Variants in TAMM41 observed in about 807,000 individuals in gnomAD.
TAMM41 encodes phosphatidate cytidylyltransferase, mitochondrial.
TAMM41 carries 36 observed loss-of-function variants against 44.1 expected under a neutral mutation model. That is an observed-to-expected ratio of 0.82 (90% CI 0.63 to 1.08). The LOEUF (loss-of-function observed/expected upper bound fraction) is 1.08. TAMM41 is among the 50% of genes least tolerant of loss of function. TAMM41 has a pLI of 0.00. For synonymous variants in TAMM41, 164 were observed against 153.1 expected (o/e 1.07, Z -0.53); for missense variants, 417 against 404.3 (o/e 1.03, Z -0.27).
intron 6 of TAMM41, 128 bp downstream of exon 6, chr3:11,809,389 T>G (rs2078017148): frequency 9.0e-7 from 1 of 1,110,160 alleles, no homozygotes; most frequent in African/African-American, 1.6e-5. Context: ...TTTTAGTGCT[T>G]TCTTCTTCTG....
chr3:11,780,635 T>C, the TAMM41 span, among the ~76,000 whole-genome samples: 3 of 152,262 alleles, frequency 2.0e-5, no homozygotes, highest in Admixed American at 2.0e-4. Flanking sequence ...AATGAATAAA[T>C]ATATAGAAAG....
At chr3:11,786,354 G>C (rs1337114933), downstream of TAMM41, among the ~76,000 whole-genome samples, 2 of 149,666 alleles carry the variant, frequency 1.3e-5, no homozygotes, top group African/African-American at 4.9e-5. Context: ...ACTTAGGCCG[G>C]AGTACAGTGG....
At chr3:11,826,843 A>C (rs2078772020) in intron 4 of TAMM41, 1 of 152,162 alleles carries the variant, frequency 6.6e-6, no homozygotes, top group Admixed American at 6.5e-5. Flanking sequence ...CCAAATCAAA[A>C]GGTTAATGTG....
chr3:11,761,264 A>C, the TAMM41 span, among the ~76,000 whole-genome samples: 1 of 151,514 alleles, frequency 6.6e-6, no homozygotes, highest in African/African-American at 2.4e-5. Flanking sequence ...TTGGTTCTGT[A>C]TCTTATTATC....
At chr3:11,844,986 A>C (rs747565041) in intron 1 of TAMM41, 1 of 456,582 alleles carries the variant, frequency 2.2e-6, no homozygotes, top group East Asian at 6.9e-5. Flanking sequence ...AGTTAAACAG[A>C]CTTGCTGGAA....
At chr3:11,791,696 T>C (rs988900149) in intron 7 of TAMM41, among the ~76,000 whole-genome samples, 5 of 152,180 alleles carry the variant, frequency 3.3e-5, no homozygotes, top group Admixed American at 6.5e-5. Context: ...CCCTGTTACC[T>C]GTAAACTGCT....
chr3:11,772,854 G>A, the TAMM41 span, among the ~76,000 whole-genome samples: 5 of 152,138 alleles, frequency 3.3e-5, no homozygotes, highest in Non-Finnish European at 7.4e-5. Flanking sequence ...CTGCCAAGTA[G>A]GGTCTTTATC....
intron 3 of TAMM41, among the ~76,000 whole-genome samples, chr3:11,834,136 C>T (rs2079085710): frequency 1.3e-5 from 2 of 152,060 alleles, no homozygotes; most frequent in South Asian, 4.2e-4. Flanking sequence ...TCCGGCTACT[C>T]AGGAGGCTGA....
the TAMM41 span, among the ~76,000 whole-genome samples, chr3:11,733,004 GT>G: frequency 1.3e-5 from 1 of 77,922 alleles, no homozygotes; most frequent in Non-Finnish European, 3.0e-5. Flanking sequence ...TTTTTTGTTT[GT>G]TTGTTTGTTT....
At chr3:11,757,048 A>C in the TAMM41 span, among the ~76,000 whole-genome samples, 3 of 152,150 alleles carry the variant, frequency 2.0e-5, no homozygotes, top group Admixed American at 2.0e-4. Context: ...TGTTAATTTA[A>C]TTAACCTTTG....
chr3:11,812,053 G>A (rs368632906), intron 5 of TAMM41, among the ~76,000 whole-genome samples: 2 of 152,004 alleles, frequency 1.3e-5, no homozygotes, highest in Non-Finnish European at 2.9e-5. Flanking sequence ...TCAGCCTCCC[G>A]AGTAGCTGGG....
intron 2 of TAMM41, chr3:11,843,701 A>T (rs2079548084): frequency 4.7e-6 from 1 of 211,148 alleles, no homozygotes; most frequent in Non-Finnish European, 9.4e-6. Flanking sequence ...GGGCAACAAG[A>T]GCAAAACTCC....
the TAMM41 span, among the ~76,000 whole-genome samples, chr3:11,738,611 G>A: frequency 1.3e-5 from 2 of 152,068 alleles, no homozygotes; most frequent in African/African-American, 2.4e-5. Context: ...TGCTGTATCC[G>A]AGGGGTTTAT....
chr3:11,833,078 C>T lies in TAMM41; in HGVS notation c.412-3214G>A, dbSNP rs935913341. The stretch of plus-strand genomic sequence containing the variant: ...TCTTCAATGAAAGGTGAACTAGGAA[C>T]TTGTCTCAGCAGCACTGTTATTTGT... On this transcript the variant is annotated intron_variant, in intron 3 of 7. Coordinates refer to ENST00000455809, the MANE Select transcript of TAMM41 (RefSeq NM_001284401.2). 20 of 1,258,326 alleles carry T rather than the reference C, an allele frequency of 1.6e-5. No individual in the cohort carries two copies. In the Admixed American group the frequency reaches 2.8e-4, roughly 17 times the overall value. The allele number at this position is 1,258,326 out of a possible 1,614,324, so 77.9% of individuals were successfully genotyped here. A position where few individuals can be genotyped will look rare whatever the true frequency, so the allele number is the denominator to read the frequency against.
the TAMM41 span, among the ~76,000 whole-genome samples, chr3:11,748,911 A>ATTT: frequency 0.2 from 24,056 of 118,872 alleles, 3,253 homozygotes; most frequent in Non-Finnish European, 0.24. Flanking sequence ...TGGGAAGTAG[A>ATTT]TTTTTTTTTT....
At chr3:11,803,928 A>C (rs2077827940) in intron 7 of TAMM41, among the ~76,000 whole-genome samples, 1 of 152,196 alleles carries the variant, frequency 6.6e-6, no homozygotes, top group South Asian at 2.1e-4. Flanking sequence ...GTGACTATAA[A>C]AAGTGTGAGG....
At chr3:11,795,061 AG>A in intron 7 of TAMM41, among the ~76,000 whole-genome samples, 1 of 152,248 alleles carries the variant, frequency 6.6e-6, no homozygotes, top group African/African-American at 2.4e-5. Flanking sequence ...TTCAGTTTTA[AG>A]AAATCAGAAG....
the TAMM41 span, among the ~76,000 whole-genome samples, chr3:11,744,926 C>T: frequency 6.6e-6 from 1 of 150,900 alleles, no homozygotes; most frequent in Admixed American, 6.6e-5. Flanking sequence ...TATAGTGGTG[C>T]GATCTCGACT....
At chr3:11,780,262 A>G in the TAMM41 span, among the ~76,000 whole-genome samples, 3 of 152,184 alleles carry the variant, frequency 2.0e-5, no homozygotes, top group East Asian at 1.9e-4. Flanking sequence ...CCTGCACAGT[A>G]TATGTCTGGC....
Sources: gnomAD v4.1 joint callset for allele counts (sites outside exome capture counted in the v4.1 genomes callset) on GRCh38, gnomAD v4.1.1 for gene constraint, MANE v1.5 for transcripts, NCBI Gene and HGNC (gene_info 2026-07-23, HGNC 2026-07-21) for gene names.